Variants in MTRES1 observed in about 807,000 individuals in gnomAD.
MTRES1 encodes uncharacterized protein C6orf203.
Under a neutral mutation model 17.4 loss-of-function variants are expected in MTRES1, and 11 were observed. The observed-to-expected ratio is 0.63, with a 90% CI of 0.40 to 1.05. The LOEUF is 1.05. Among genes scored for constraint, MTRES1 ranks in the 50% least tolerant of loss-of-function variants. The pLI, the probability that MTRES1 is intolerant of heterozygous loss-of-function variation, is 0.00. For missense variants in MTRES1, 268 were observed against 276.2 expected, an observed-to-expected ratio of 0.97 and a Z score of 0.21; for synonymous variants, 94 against 99.6, an observed-to-expected ratio of 0.94 and a Z score of 0.34.
At chr6:107,037,410 C>A (rs1183461131) in intron 1 of MTRES1, among the ~76,000 whole-genome samples, 1 of 151,848 alleles carries the variant, frequency 6.6e-6, no homozygotes, top group Non-Finnish European at 1.5e-5. Context: ...GGGGTTTCAC[C>A]ACGTTGGCCA....
In MTRES1 at chr6:107,039,953, C is replaced by T. The variant is rs1554227436; in HGVS notation, c.193C>T (p.Leu65=). The stretch of plus-strand genomic sequence containing the variant: ...AACACTTTTTTATAATATTTTCTCA[C>T]TGAGACTCCCAGGGCTTTTACTATC... The part of the protein sequence containing the change: ...YKTLFYNIFS[L]RLPGLLLSPE... The change falls in exon 2 of 4, where the codon CTG becomes TTG. Residue 65 remains leucine (L), a synonymous_variant. Coordinates refer to ENST00000311381, the MANE Select transcript of MTRES1 (RefSeq NM_016487.5). 1 of 1,613,776 alleles carries T rather than the reference C, an allele frequency of 6.2e-7. No homozygotes were observed. Among genetic ancestry groups the T allele is most frequent in the African/African-American group, 1.3e-5 (1 of 74,900 alleles).
intron 2 of MTRES1, among the ~76,000 whole-genome samples, chr6:107,041,611 C>T (rs942028237): frequency 2.6e-5 from 4 of 152,038 alleles, no homozygotes; most frequent in Non-Finnish European, 4.4e-5. Context: ...CTGCAAGCTC[C>T]GCCTCCCGGG....
chr6:107,037,867 T>C (rs538758197), intron 1 of MTRES1, among the ~76,000 whole-genome samples: 1 of 152,002 alleles, frequency 6.6e-6, no homozygotes, highest in African/African-American at 2.4e-5. Context: ...TATAGGCGTA[T>C]GCCACCACAC....
intron 1 of MTRES1, among the ~76,000 whole-genome samples, chr6:107,029,703 T>C (rs1773768761): frequency 6.7e-6 from 1 of 149,562 alleles, no homozygotes. Flanking sequence ...AGGCTGGTCT[T>C]GAACTCCTGG....
At chr6:107,037,385 A>G (rs1774047829) in intron 1 of MTRES1, among the ~76,000 whole-genome samples, 3 of 151,966 alleles carry the variant, frequency 2.0e-5, no homozygotes, top group Admixed American at 2.0e-4. Context: ...TAATTTTCGT[A>G]CTAAAAGTAG....
At chr6:107,034,198 A>G (rs1773932764) in intron 1 of MTRES1, among the ~76,000 whole-genome samples, 2 of 152,208 alleles carry the variant, frequency 1.3e-5, no homozygotes, top group Admixed American at 6.5e-5. Flanking sequence ...CTCAAAGTAA[A>G]CAACGGTACG....
At chr6:107,042,902 CT>C (rs1441729820) in intron 2 of MTRES1, among the ~76,000 whole-genome samples, 1 of 152,208 alleles carries the variant, frequency 6.6e-6, no homozygotes, top group Non-Finnish European at 1.5e-5. Flanking sequence ...CCTAAGAGCA[CT>C]AGCAAATCTT....
intron 1 of MTRES1, among the ~76,000 whole-genome samples, chr6:107,035,422 G>A (rs1554226848): frequency 6.6e-6 from 1 of 151,414 alleles, no homozygotes; most frequent in African/African-American, 2.4e-5. Flanking sequence ...AGCCACCTAA[G>A]TAAAACTTTG....
intron 3 of MTRES1, among the ~76,000 whole-genome samples, chr6:107,045,070 A>G (rs1300812934): frequency 6.6e-6 from 1 of 152,020 alleles, no homozygotes; most frequent in Non-Finnish European, 1.5e-5. Flanking sequence ...CGCTTGTCCC[A>G]GCTACTCAGG....
At chr6:107,047,187 C>T (rs1261433825) in intron 3 of MTRES1, among the ~76,000 whole-genome samples, 9 of 152,086 alleles carry the variant, frequency 5.9e-5, no homozygotes, top group Non-Finnish European at 1.3e-4. Flanking sequence ...AGGATATACA[C>T]AGAGTATCCT....
chr6:107,041,147 C>T (rs1471989368), intron 2 of MTRES1, among the ~76,000 whole-genome samples: 1 of 150,642 alleles, frequency 6.6e-6, no homozygotes, highest in Non-Finnish European at 1.5e-5. Context: ...ATGGTGGGAA[C>T]CCGGGAGGCG....
At chr6:107,046,174 G>A (rs1774382797) in intron 3 of MTRES1, among the ~76,000 whole-genome samples, 1 of 152,182 alleles carries the variant, frequency 6.6e-6, no homozygotes, top group Admixed American at 6.5e-5. Context: ...TCTCATCTCT[G>A]AATAGCTTTT....
chr6:107,050,976 T>C, intron 3 of MTRES1, 81 bp from the exon 4 acceptor site: 2 of 1,180,900 alleles, frequency 1.7e-6, no homozygotes, highest in East Asian at 4.7e-5. Flanking sequence ...GATCATGTGG[T>C]GAAAACTCAG....
rs782666487 is a variant in MTRES1 at position 107,051,126 on chromosome 6, C to T, written c.613C>T (p.Arg205Trp). The change falls in exon 4 of 4, where the codon CGG (arginine) becomes TGG (tryptophan). Residue 205 changes from arginine to tryptophan, a missense_variant. By Grantham distance (101) the Arg-to-Trp change is moderately radical (BLOSUM62 -3). Transcript: ENST00000311381. ...AGAAGCAGGAACAGAGACAGTTATG[C>T]GGATTCTCTTGAAAAAAGTGTTTGA... ...DKEAGTETVM[R>W]ILLKKVFEEK... 2.5e-6 allele frequency: 4 copies of T among 1,613,274 alleles called. No individual in the cohort carries two copies. The highest frequency in any genetic ancestry group is 1.1e-5 in the South Asian group (1 of 91,074).
At chr6:107,043,937 G>A (rs1413731085) in intron 2 of MTRES1, among the ~76,000 whole-genome samples, 5 of 152,226 alleles carry the variant, frequency 3.3e-5, no homozygotes, top group East Asian at 1.9e-4. Flanking sequence ...GACCAGCCTG[G>A]CCGACATAGT....
At chr6:107,041,062 T>TA (rs528634331) in intron 2 of MTRES1, among the ~76,000 whole-genome samples, 3 of 149,574 alleles carry the variant, frequency 2.0e-5, no homozygotes, top group East Asian at 2.0e-4. Context: ...CCGTCTCTAC[T>TA]AAAAATACAA....
intron 1 of MTRES1, among the ~76,000 whole-genome samples, chr6:107,032,572 G>A (rs1198079819): frequency 1.3e-5 from 2 of 152,166 alleles, no homozygotes; most frequent in Admixed American, 6.5e-5. Flanking sequence ...TTAGCCAGGC[G>A]TGGTGCCGTG....
chr6:107,044,461 G>A (rs781960257), intron 3 of MTRES1, 129 bp downstream of exon 3: 9 of 700,838 alleles, frequency 1.3e-5, no homozygotes, highest in Admixed American at 7.1e-5. Context: ...GGTCCTCCAC[G>A]TCAAGCTGGT....
intron 1 of MTRES1, among the ~76,000 whole-genome samples, chr6:107,029,268 A>G (rs1773747317): frequency 1.3e-5 from 2 of 151,056 alleles, no homozygotes; most frequent in Non-Finnish European, 1.5e-5. Flanking sequence ...GCTCACTGCA[A>G]GCTCCGCCTC....
Sources: allele counts gnomAD v4.1 joint callset (sites outside exome capture counted in the v4.1 genomes callset), GRCh38; gene constraint gnomAD v4.1.1; transcripts MANE v1.5; gene names NCBI Gene and HGNC (gene_info 2026-07-23, HGNC 2026-07-21).